Variants in CDC42BPB observed in about 807,000 individuals in gnomAD.
CDC42BPB encodes the protein serine/threonine-protein kinase MRCK beta.
In CDC42BPB, 37 loss-of-function variants were observed where a neutral mutation model predicts 214.9. The ratio of observed to expected loss-of-function variants is 0.17; its 90% confidence interval spans 0.13 to 0.23. CDC42BPB has a LOEUF of 0.23. Ranked by LOEUF, CDC42BPB falls within the 10% of genes least tolerant of loss-of-function variation. CDC42BPB has a pLI of 1.00. For missense variants in CDC42BPB, 1,694 were observed against 2,227.0 expected (o/e 0.76, Z 4.82); for synonymous variants, 931 against 884.0 (o/e 1.05, Z -0.94).
rs58120592 is a variant in CDC42BPB, at chr14:102,994,370, A to ATT, written c.596+5193_596+5194dup. Among the ~76,000 whole-genome samples, 16 of 148,256 alleles carry ATT rather than the reference A, an allele frequency of 1.1e-4. No individual in the cohort carries two copies. In the East Asian group the frequency reaches 1.4e-3, roughly 13 times the overall value. Reference sequence around the variant, plus strand: ...TATTTAAAACATGTGGTGGTGGTTGATTTTTTTTTTTTAAGTGAACTTGCT... The same window carrying ATT: ...TATTTAAAACATGTGGTGGTGGTTGATTTTTTTTTTTTTTAAGTGAACTTGCT... On this transcript the variant is annotated intron_variant, in intron 5 of 36. Transcript: ENST00000361246.
At chr14:102,988,155 GAAGA>G (rs1341403432) in intron 5 of CDC42BPB, among the ~76,000 whole-genome samples, 1 of 152,054 alleles carries the variant, frequency 6.6e-6, no homozygotes, top group South Asian at 2.1e-4. Flanking sequence ...ATGAAAAATT[GAAGA>G]AAGGGAAGAA....
intron 29 of CDC42BPB, chr14:102,945,225 T>C (rs1442380183): frequency 4.4e-6 from 2 of 458,036 alleles, no homozygotes; most frequent in South Asian, 3.1e-5. Flanking sequence ...CCCTGCCCCC[T>C]GCCCATGGCC....
chr14:102,949,741 G>A (rs1301696360), intron 26 of CDC42BPB, 24 bp downstream of exon 26: 5 of 1,612,916 alleles, frequency 3.1e-6, no homozygotes, highest in Non-Finnish European at 4.2e-6. Context: ...CACAGAGCAA[G>A]GACAGTGCTG....
chr14:102,946,895 G>A (rs1214405430), intron 27 of CDC42BPB: 1 of 984,728 alleles, frequency 1.0e-6, no homozygotes, highest in Non-Finnish European at 1.2e-6. Flanking sequence ...AGCCCCGTGA[G>A]ATCGCTTCCT....
chr14:103,008,636 C>A (rs1378986171), intron 2 of CDC42BPB, 81 bp from the exon 3 acceptor site: 6 of 1,568,600 alleles, frequency 3.8e-6, no homozygotes, highest in Non-Finnish European at 3.5e-6. Context: ...GTAGTGAAAT[C>A]CTAACAGCCC....
intron 27 of CDC42BPB, 51 bp downstream of exon 27, chr14:102,947,670 A>G (rs371305345): frequency 6.9e-7 from 1 of 1,454,890 alleles, no homozygotes. Flanking sequence ...TGCCTAGAAC[A>G]ATCAGTTTTA....
At chr14:102,941,755 G>A (rs530584227) in intron 30 of CDC42BPB, among the ~76,000 whole-genome samples, 1 of 152,240 alleles carries the variant, frequency 6.6e-6, no homozygotes, top group Non-Finnish European at 1.5e-5. Flanking sequence ...TACAGAGCAC[G>A]CGGCCCCTGT....
intron 8 of CDC42BPB, among the ~76,000 whole-genome samples, chr14:102,978,954 C>G (rs1893879300): frequency 2.0e-5 from 3 of 152,194 alleles, no homozygotes. Flanking sequence ...TTGCAGTGAG[C>G]TGAGGTTGTA....
At chr14:102,945,588 A>G in intron 29 of CDC42BPB, 74 bp downstream of exon 29, 1 of 1,333,244 alleles carries the variant, frequency 7.5e-7, no homozygotes. Context: ...CTTAGGAGCT[A>G]CTGACCCTGT....
At chr14:102,992,969 C>T (rs570914804) in intron 5 of CDC42BPB, among the ~76,000 whole-genome samples, 1 of 152,050 alleles carries the variant, frequency 6.6e-6, no homozygotes, top group East Asian at 1.9e-4. Context: ...GCCGGGATTA[C>T]AGGCGTGCAC....
intron 1 of CDC42BPB, among the ~76,000 whole-genome samples, chr14:103,039,977 C>T (rs1443286344): frequency 1.3e-5 from 2 of 151,950 alleles, no homozygotes; most frequent in African/African-American, 4.8e-5. Context: ...ATCAATTTAC[C>T]TCAGGAATAA....
At chr14:103,027,404 TA>T (rs1458669376) in intron 1 of CDC42BPB, among the ~76,000 whole-genome samples, 1 of 152,022 alleles carries the variant, frequency 6.6e-6, no homozygotes, top group Non-Finnish European at 1.5e-5. Context: ...AAATTTAATA[TA>T]AAAAAAATTT....
At chr14:102,981,275 G>T in intron 7 of CDC42BPB, 4 of 805,782 alleles carry the variant, frequency 5.0e-6, no homozygotes, top group Non-Finnish European at 4.5e-6. Context: ...TATGGAAGTG[G>T]CAAGGAATGT....
intron 19 of CDC42BPB, among the ~76,000 whole-genome samples, chr14:102,963,701 G>T (rs927048757): frequency 6.6e-6 from 1 of 152,250 alleles, no homozygotes; most frequent in African/African-American, 2.4e-5. Flanking sequence ...CGGAGTGTGT[G>T]TAAGTGGGAG....
Position 102,954,636 on chromosome 14 carries a change from G to A in CDC42BPB, c.2954C>T (p.Pro985Leu), listed in dbSNP as rs201476818. Residue 985 changes from proline (P) to leucine (L), a missense_variant, in exon 22 of 37, where the codon CCG becomes CTG. Transcript: ENST00000361246. ...CTCTGATGCAGCCACAGACATCGACGGGGACGCTTCTGGCTTCGGAGCTTG... is the reference window on the plus strand; with the variant it reads ...CTCTGATGCAGCCACAGACATCGACAGGGACGCTTCTGGCTTCGGAGCTTG... ...ETQAPKPEAS[P>L]SMSVAASEQQ... 8.1e-6 allele frequency: 13 copies of A among 1,613,964 alleles called. No individual in the cohort carries two copies. Among genetic ancestry groups the A allele is most frequent in the Admixed American group, 3.3e-5 (2 of 60,016 alleles).
chr14:102,942,356 G>A lies in CDC42BPB; in HGVS notation c.4408+1535C>T, dbSNP rs151278415. ...GCCACGACGCCCTGGGTATGATGCCGTCTCAGCAAGGCTGACAATGGGGCA... is the reference window on the plus strand; with the variant it reads ...GCCACGACGCCCTGGGTATGATGCCATCTCAGCAAGGCTGACAATGGGGCA... On this transcript the variant is annotated intron_variant, in intron 30 of 36. Transcript: ENST00000361246. 2.2e-4 allele frequency among the ~76,000 whole-genome samples: 33 copies of A among 152,314 alleles called. No individual in the cohort carries two copies. The East Asian group carries it at 5.6e-3, about 26-fold the overall frequency.
chr14:103,049,944 C>T (rs1489018425), intron 1 of CDC42BPB, among the ~76,000 whole-genome samples: 1 of 152,178 alleles, frequency 6.6e-6, no homozygotes, highest in Admixed American at 6.5e-5. Flanking sequence ...AACTACTGAC[C>T]TTGTGATCCA....
chr14:102,949,944 C>T lies in CDC42BPB; in HGVS notation c.3310-40G>A, dbSNP rs753575344. The T allele has an allele frequency of 3.1e-6, 5 of 1,608,318 alleles. No homozygotes were observed. In the South Asian group the frequency reaches 4.4e-5, roughly 14 times the overall value. On this transcript the variant is annotated intron_variant, in intron 25 of 36. Transcript: ENST00000361246. ...AAACAGTGGCCACGTTCCACCAGGC[C>T]AGGCAGGCCGCCAGGCCCCATTACA...
rs149603076 is a variant in CDC42BPB, at chr14:102,956,407, C to T, written c.2902-1719G>A. The T allele has an allele frequency of 8.6e-5, 84 of 978,914 alleles. No individual in the cohort carries two copies. In the African/African-American group the frequency reaches 1.4e-3, roughly 16 times the overall value. 60.6% of individuals were successfully genotyped at this position (978,914 alleles called of 1,614,324 possible). A position where few individuals can be genotyped will look rare whatever the true frequency, so the allele number is the denominator to read the frequency against. Reference sequence around the variant, plus strand: ...GTTTCTAGTAAAAACCAACATGTTTCATGCAGGCAGCGTGGGATAAGAAGT... The same window carrying T: ...GTTTCTAGTAAAAACCAACATGTTTTATGCAGGCAGCGTGGGATAAGAAGT... On this transcript the variant is annotated intron_variant, in intron 21 of 36. Coordinates refer to ENST00000361246, the MANE Select transcript of CDC42BPB (RefSeq NM_006035.4).
Sources: gnomAD v4.1 joint callset for allele counts (sites outside exome capture counted in the v4.1 genomes callset) on GRCh38, gnomAD v4.1.1 for gene constraint, MANE v1.5 for transcripts, NCBI Gene and HGNC (gene_info 2026-07-23, HGNC 2026-07-21) for gene names.